Variants in PCSK6 observed in about 807,000 individuals in gnomAD.
PCSK6 encodes the protein proprotein convertase subtilisin/kexin type 6, also known as paired basic amino acid cleaving enzyme 4.
PCSK6 carries 85 observed loss-of-function variants against 123.3 expected under a neutral mutation model. The observed-to-expected ratio is 0.69, with a 90% CI of 0.58 to 0.83. The LOEUF (loss-of-function observed/expected upper bound fraction) is 0.83. Among genes scored for constraint, PCSK6 ranks in the 40% least tolerant of loss-of-function variants. The pLI is 0.00. For synonymous variants in PCSK6, 508 were observed against 516.0 expected (o/e 0.98, Z 0.21); for missense variants, 1,191 against 1,282.3 (o/e 0.93, Z 1.09).
intron 13 of PCSK6, among the ~76,000 whole-genome samples, chr15:101,333,085 A>G (rs1379456253): frequency 1.3e-5 from 2 of 152,204 alleles, no homozygotes; most frequent in African/African-American, 2.4e-5. Flanking sequence ...AAGAGCATCT[A>G]TGCAATTAAT....
At chr15:101,454,926 C>T (rs576756252) in intron 1 of PCSK6, among the ~76,000 whole-genome samples, 8 of 150,886 alleles carry the variant, frequency 5.3e-5, no homozygotes, top group East Asian at 2.0e-4. Flanking sequence ...GCCTGGGCAA[C>T]AGAGTGAGAC....
intron 19 of PCSK6, among the ~76,000 whole-genome samples, 192 bp downstream of exon 19, chr15:101,318,127 C>T (rs182425063): frequency 6.6e-6 from 1 of 152,376 alleles, no homozygotes; most frequent in Admixed American, 6.5e-5. Context: ...GACTCTGTAA[C>T]CATTAAACAT....
chr15:101,469,401 G>A (rs1228837645), intron 1 of PCSK6, among the ~76,000 whole-genome samples: 2 of 152,156 alleles, frequency 1.3e-5, no homozygotes, highest in Admixed American at 6.5e-5. Flanking sequence ...GTGTGCAGGC[G>A]AGAAACCATT....
At chr15:101,421,755 C>T (rs1258092860) in intron 6 of PCSK6, among the ~76,000 whole-genome samples, 1 of 152,194 alleles carries the variant, frequency 6.6e-6, no homozygotes, top group Non-Finnish European at 1.5e-5. Flanking sequence ...GAATCAGAAA[C>T]ATTCAGCAAA....
intron 2 of PCSK6, among the ~76,000 whole-genome samples, chr15:101,438,217 AACGT>A (rs1398033600): frequency 2.0e-5 from 3 of 152,252 alleles, no homozygotes; most frequent in Non-Finnish European, 4.4e-5. Flanking sequence ...AACACTGCTC[AACGT>A]GTCTGACATG....
chr15:101,380,503 A>G (rs2041884766), intron 11 of PCSK6, among the ~76,000 whole-genome samples: 2 of 152,218 alleles, frequency 1.3e-5, no homozygotes, highest in African/African-American at 4.8e-5. Flanking sequence ...CGTTGTTTCA[A>G]ATTTGACAGT....
intron 1 of PCSK6, chr15:101,462,934 C>T (rs2057371515): frequency 2.2e-6 from 1 of 445,502 alleles, no homozygotes; most frequent in East Asian, 7.0e-5. Context: ...AGGTCACCAG[C>T]TTGCAAGGCA....
At chr15:101,472,137 G>C (rs2057621326) in intron 1 of PCSK6, among the ~76,000 whole-genome samples, 1 of 152,246 alleles carries the variant, frequency 6.6e-6, no homozygotes, top group African/African-American at 2.4e-5. Flanking sequence ...AGGGGACACA[G>C]GCAGACCAGA....
chr15:101,397,879 T>C (rs189240907), intron 7 of PCSK6, among the ~76,000 whole-genome samples: 1 of 152,332 alleles, frequency 6.6e-6, no homozygotes, highest in East Asian at 1.9e-4. Context: ...CTTAGCCCCT[T>C]GTGAGGTTCC....
At chr15:101,312,563 G>A (rs2039891139) in intron 20 of PCSK6, among the ~76,000 whole-genome samples, 1 of 152,208 alleles carries the variant, frequency 6.6e-6, no homozygotes, top group South Asian at 2.1e-4. Context: ...AGGTGTGGTG[G>A]CTCACACCCG....
intron 1 of PCSK6, among the ~76,000 whole-genome samples, chr15:101,464,155 G>A (rs1363442756): frequency 6.6e-6 from 1 of 152,148 alleles, no homozygotes; most frequent in Non-Finnish European, 1.5e-5. Flanking sequence ...TTCCCAGGCT[G>A]CTCCTGGGGC....
intron 19 of PCSK6, among the ~76,000 whole-genome samples, chr15:101,314,782 C>T (rs4965829): frequency 0.098 from 14,904 of 152,244 alleles, 716 homozygotes; most frequent in Middle Eastern, 0.13. Context: ...TGAGGACCAC[C>T]GTCTTCATGG....
chr15:101,318,927 C>T (rs190251440), intron 18 of PCSK6, among the ~76,000 whole-genome samples: 164 of 152,324 alleles, frequency 1.1e-3, no homozygotes, highest in Middle Eastern at 3.4e-3. Flanking sequence ...TGAAATAAGA[C>T]GCCCTCTGGA....
In PCSK6 at chr15:101,380,471, C is replaced by G. The variant is rs1431269471; in HGVS notation, c.1532+1621G>C. 3.3e-5 allele frequency among the ~76,000 whole-genome samples: 5 copies of G among 152,168 alleles called. No individual in the cohort carries two copies. In the East Asian group the frequency reaches 7.7e-4, roughly 23 times the overall value. On this transcript the variant is annotated intron_variant, in intron 11 of 21. Transcript: ENST00000611716. ...GCAAAGACAGAGAAGGCAAAACCTC[C>G]TTTATCTCAGAGACTCTCCCACGTT...
chr15:101,418,973 T>G (rs2055986875), intron 6 of PCSK6, among the ~76,000 whole-genome samples: 1 of 152,170 alleles, frequency 6.6e-6, no homozygotes, highest in Non-Finnish European at 1.5e-5. Context: ...TTTCTCAACT[T>G]GATAAAGGGT....
intron 8 of PCSK6, among the ~76,000 whole-genome samples, chr15:101,390,190 G>T (rs1374585861): frequency 6.6e-6 from 1 of 152,294 alleles, no homozygotes; most frequent in African/African-American, 2.4e-5. Context: ...GCTAGCTGGG[G>T]GCTCTGCCTG....
chr15:101,343,921 C>T (rs913824215), intron 13 of PCSK6, among the ~76,000 whole-genome samples: 6 of 152,216 alleles, frequency 3.9e-5, no homozygotes, highest in Non-Finnish European at 8.8e-5. Flanking sequence ...AACCCTGTCT[C>T]TACTAAAAAT....
chr15:101,489,586 C>A lies in PCSK6; in HGVS notation c.85G>T (p.Gly29Cys), dbSNP rs1270496271. 15 of 975,728 alleles carry A rather than the reference C, an allele frequency of 1.5e-5. No individual in the cohort carries two copies. The highest frequency in any genetic ancestry group is 1.8e-5 in the Non-Finnish European group (15 of 825,392). The allele number at this position is 975,728 out of a possible 1,614,324, so 60.4% of individuals were successfully genotyped here. ...CCGGCGCCCCCCGCGCCCCCCGCGC[C>A]CCCCGCGCCCGCGGCGGTGTCGGTG... ...AATDTAAGAGGAGGAGGAGGP... is the reference protein window; with the variant it reads ...AATDTAAGAGCAGGAGGAGGP... The change falls in exon 1 of 22, where the codon GGC becomes TGC. Residue 29 changes from glycine to cysteine, a missense_variant. Coordinates refer to ENST00000611716, the MANE Select transcript of PCSK6 (RefSeq NM_002570.5).
intron 19 of PCSK6, among the ~76,000 whole-genome samples, chr15:101,315,894 A>C (rs1017685264): frequency 3.3e-5 from 5 of 152,242 alleles, no homozygotes; most frequent in African/African-American, 4.8e-5. Context: ...GGAGGATGAG[A>C]GGCTCATCTC....
Sources: allele counts gnomAD v4.1 joint callset (sites outside exome capture counted in the v4.1 genomes callset), GRCh38; gene constraint gnomAD v4.1.1; transcripts MANE v1.5; gene names NCBI Gene and HGNC (gene_info 2026-07-23, HGNC 2026-07-21).